Variants in DAB1 observed in about 807,000 individuals in gnomAD.
DAB1 encodes the protein DAB adaptor protein 1.
Under a neutral mutation model 64.6 loss-of-function variants are expected in DAB1, and 15 were observed. The ratio of observed to expected loss-of-function variants is 0.23; its 90% CI spans 0.16 to 0.36. DAB1 has a LOEUF of 0.36. Among genes scored for constraint, DAB1 ranks in the 10% least tolerant of loss-of-function variants. DAB1 has a pLI of 1.00. For synonymous variants in DAB1, 235 were observed against 251.9 expected (o/e 0.93, Z 0.64); for missense variants, 596 against 706.7 (o/e 0.84, Z 1.78).
At chr1:57,392,250 G>A (rs976766948) in intron 1 of DAB1, among the ~76,000 whole-genome samples, 1 of 152,166 alleles carries the variant, frequency 6.6e-6, no homozygotes, top group African/African-American at 2.4e-5. Flanking sequence ...GCACATGCCT[G>A]TAGTCCCAGC....
intron 4 of DAB1, among the ~76,000 whole-genome samples, chr1:58,233,948 C>G (rs536776928): frequency 8.5e-5 from 13 of 152,324 alleles, no homozygotes; most frequent in Non-Finnish European, 1.6e-4. Context: ...TGATTGACAA[C>G]CAGTCTCGAC....
intron 6 of DAB1, among the ~76,000 whole-genome samples, chr1:57,758,507 C>T (rs1376624399): frequency 2.6e-5 from 4 of 152,134 alleles, no homozygotes; most frequent in East Asian, 3.9e-4. Flanking sequence ...GTGCTGGATA[C>T]GGATTCTACT....
In DAB1 at chr1:57,866,552, G is replaced by T. The variant is rs148604896; in HGVS notation, n.87+17447C>A. On this transcript the variant is annotated intron_variant and non_coding_transcript_variant, in intron 1 of 1. Coordinates refer to the DAB1 transcript ENST00000477280. ...TAGTGAAGAGTACAATTCTAGAGCA[G>T]GACTGAGGGTCTCAGCATAGTGTTT... Among the ~76,000 whole-genome samples the T allele has an allele frequency of 1.2e-4, 19 of 152,268 alleles. No homozygotes were observed. In the East Asian group the frequency reaches 3.7e-3, roughly 29 times the overall value.
chr1:57,194,916 G>A (rs1201000613), intron 2 of DAB1, among the ~76,000 whole-genome samples: 1 of 152,198 alleles, frequency 6.6e-6, no homozygotes. Context: ...ATAGACAGAT[G>A]GAGGGACAAG....
intron 5 of DAB1, among the ~76,000 whole-genome samples, chr1:58,067,045 C>G (rs1443824480): frequency 6.6e-6 from 1 of 152,192 alleles, no homozygotes; most frequent in African/African-American, 2.4e-5. Context: ...TCTCCCTCAT[C>G]TCTGCTCCCC....
At chr1:57,149,088 G>A (rs1659419502) in intron 2 of DAB1, among the ~76,000 whole-genome samples, 1 of 151,980 alleles carries the variant, frequency 6.6e-6, no homozygotes. Context: ...TTATATAATT[G>A]TTATTTTATA....
intron 1 of DAB1, among the ~76,000 whole-genome samples, chr1:57,855,148 T>C (rs1251689533): frequency 1.3e-5 from 2 of 152,216 alleles, no homozygotes; most frequent in Non-Finnish European, 2.9e-5. Context: ...CATCTATGAG[T>C]GCACAGCAAC....
intron 3 of DAB1, among the ~76,000 whole-genome samples, chr1:58,424,248 T>C (rs939296004): frequency 6.6e-6 from 1 of 152,218 alleles, no homozygotes; most frequent in Non-Finnish European, 1.5e-5. Context: ...TTCAGTCTTT[T>C]TATTCTATTT....
chr1:57,474,389 C>A (rs1263246810), intron 7 of DAB1, among the ~76,000 whole-genome samples: 1 of 152,170 alleles, frequency 6.6e-6, no homozygotes, highest in Non-Finnish European at 1.5e-5. Context: ...TTCTCTTGCC[C>A]ACCCCATTTA....
At chr1:57,761,996 G>T (rs371131119) in intron 6 of DAB1, among the ~76,000 whole-genome samples, 19 of 152,240 alleles carry the variant, frequency 1.2e-4, no homozygotes, top group Middle Eastern at 6.8e-3. Flanking sequence ...CAAATGCTTG[G>T]TATCAGCTGC....
chr1:58,185,870 C>G (rs1157937951), intron 4 of DAB1, among the ~76,000 whole-genome samples: 1 of 152,168 alleles, frequency 6.6e-6, no homozygotes, highest in Non-Finnish European at 1.5e-5. Flanking sequence ...CTCTGAACCT[C>G]CGATTGCTCA....
Position 57,015,343 on chromosome 1 carries a change from T to C in DAB1, c.984A>G (p.Pro328=), listed in dbSNP as rs760385078. ...QQQMVMGAQP[P]VAQVMPGAQP... ...GAGCCCCCGGCATCACCTGAGCGACTGGTGGCTGGGCACCCATGACCATCT... is the reference window on the plus strand; with the variant it reads ...GAGCCCCCGGCATCACCTGAGCGACCGGTGGCTGGGCACCCATGACCATCT... The change falls in exon 12 of 15, where the codon CCA becomes CCG. Residue 328 remains proline, a synonymous_variant. Coordinates refer to ENST00000371236, the MANE Select transcript of DAB1 (RefSeq NM_001365792.1). The C allele has an allele frequency of 6.8e-6, 11 of 1,614,050 alleles. No homozygotes were observed. The South Asian group carries it at 1.1e-4, about 16-fold the overall frequency.
chr1:57,632,841 G>A (rs943725425), intron 7 of DAB1, among the ~76,000 whole-genome samples: 9 of 152,166 alleles, frequency 5.9e-5, no homozygotes, highest in African/African-American at 2.2e-4. Context: ...GTTATTCTCT[G>A]ACAGGAGTTG....
intron 1 of DAB1, chr1:58,534,140 T>C (rs765683695): frequency 2.3e-6 from 2 of 869,092 alleles, no homozygotes. Context: ...TACAATGCGT[T>C]TGAGAACATT....
chr1:57,407,818 A>G (rs895363907), intron 1 of DAB1, among the ~76,000 whole-genome samples: 5 of 151,456 alleles, frequency 3.3e-5, no homozygotes, highest in Non-Finnish European at 7.4e-5. Flanking sequence ...GTTTGTACAT[A>G]TATGAAATAC....
At chr1:57,604,239 G>T (rs984438157) in intron 7 of DAB1, among the ~76,000 whole-genome samples, 1 of 152,190 alleles carries the variant, frequency 6.6e-6, no homozygotes, top group African/African-American at 2.4e-5. Context: ...GATGCAAGTT[G>T]CTTCTAGCCA....
At chr1:57,768,973 C>T (rs541793210) in intron 6 of DAB1, among the ~76,000 whole-genome samples, 1 of 152,244 alleles carries the variant, frequency 6.6e-6, no homozygotes. Flanking sequence ...CTCTTCCCTG[C>T]CTCTTCTTCC....
At chr1:57,099,764 G>A (rs490765) in intron 4 of DAB1, among the ~76,000 whole-genome samples, 7,517 of 152,264 alleles carry the variant, frequency 0.049, 235 homozygotes, top group Middle Eastern at 0.099. Flanking sequence ...CCTTTGGGGT[G>A]GAGTAGGTTC....
chr1:58,489,322 C>T (rs184204758), intron 3 of DAB1, among the ~76,000 whole-genome samples: 33 of 152,334 alleles, frequency 2.2e-4, no homozygotes, highest in African/African-American at 4.8e-4. Context: ...AAGGGTCCTA[C>T]GCCCACAGAG....
Sources: gnomAD v4.1 joint callset for allele counts (sites outside exome capture counted in the v4.1 genomes callset) on GRCh38, gnomAD v4.1.1 for gene constraint, MANE v1.5 for transcripts, NCBI Gene and HGNC (gene_info 2026-07-23, HGNC 2026-07-21) for gene names.